The following POLR3E variants were observed in gnomAD, a reference collection of about 807,000 sequenced individuals.
The protein encoded by POLR3E is DNA-directed RNA polymerase III subunit RPC5.
Under a neutral mutation model 96.6 loss-of-function variants are expected in POLR3E, and 41 were observed. That is an observed-to-expected ratio of 0.42 (90% CI 0.33 to 0.55). POLR3E has a LOEUF of 0.55. Among genes scored for constraint, POLR3E ranks in the 20% least tolerant of loss-of-function variants. POLR3E has a pLI of 0.06. For synonymous variants in POLR3E, 396 were observed against 383.6 expected, an observed-to-expected ratio of 1.03 and a Z score of -0.38; for missense variants, 849 against 952.1, an observed-to-expected ratio of 0.89 and a Z score of 1.43.
intron 6 of POLR3E, chr16:22,310,208 T>G (rs1456714797): frequency 1.3e-5 from 2 of 152,714 alleles, no homozygotes; most frequent in Non-Finnish European, 1.5e-5. Flanking sequence ...TTGGCTTACC[T>G]AGTGATGTCT....
intron 13 of POLR3E, among the ~76,000 whole-genome samples, chr16:22,320,627 T>C (rs56072419): frequency 9.7e-4 from 148 of 152,320 alleles, no homozygotes; most frequent in African/African-American, 3.2e-3. Flanking sequence ...TCAATCAATA[T>C]TCTTTACTCG....
intron 3 of POLR3E, among the ~76,000 whole-genome samples, chr16:22,307,184 A>G (rs921350974): frequency 1.3e-5 from 2 of 152,126 alleles, no homozygotes; most frequent in African/African-American, 4.8e-5. Context: ...CTGAGTCCAC[A>G]GTTAGCAAGG....
rs2048568267 is a variant in POLR3E, at chr16:22,325,747, C to T, written c.1349-14C>T. 1.3e-6 allele frequency: 2 copies of T among 1,543,880 alleles called. No homozygotes were observed. Among genetic ancestry groups the T allele is most frequent in the Admixed American group, 2.0e-5 (1 of 50,194 alleles). ...CCTGTGCCCTCCTGAGCAGTGCTGC[C>T]TCCCTCCCCGCAGGGCCTGCCGGGC... On this transcript the variant is annotated splice_polypyrimidine_tract_variant and intron_variant, in intron 17 of 20. Transcript: ENST00000299853.
At chr16:22,317,286 C>A in intron 12 of POLR3E, 80 bp downstream of exon 12, 1 of 1,047,186 alleles carries the variant, frequency 9.5e-7, no homozygotes, top group Non-Finnish European at 1.5e-6. Context: ...ACAGTGAGGA[C>A]CAGGGGACAA....
intron 1 of POLR3E, among the ~76,000 whole-genome samples, chr16:22,298,638 G>C (rs950946517): frequency 2.0e-5 from 3 of 152,258 alleles, no homozygotes; most frequent in Non-Finnish European, 2.9e-5. Flanking sequence ...AGAAAACCGT[G>C]CAGTATAGTG....
intron 19 of POLR3E, chr16:22,329,049 G>A: frequency 5.5e-6 from 1 of 182,920 alleles, no homozygotes; most frequent in Non-Finnish European, 1.1e-5. Flanking sequence ...TTGCACCACT[G>A]CACTCCAGAC....
chr16:22,323,757 C>T (rs1041855525), intron 14 of POLR3E, among the ~76,000 whole-genome samples: 11 of 152,150 alleles, frequency 7.2e-5, no homozygotes, highest in South Asian at 4.1e-4. Flanking sequence ...CTGCCCGCCC[C>T]GCTCCAGTGT....
chr16:22,331,977 G>A, intron 19 of POLR3E, 83 bp from the exon 20 acceptor site: 5 of 1,412,592 alleles, frequency 3.5e-6, no homozygotes, highest in Non-Finnish European at 4.9e-6. Flanking sequence ...ACAAAGTCAG[G>A]TGCATGGCTT....
At position 22,325,836 on chromosome 16, in the gene POLR3E, T is replaced by C. The variant is rs749940428; in HGVS notation, c.1424T>C (p.Leu475Pro). Residue 475 changes from leucine to proline, a missense_variant, in exon 18 of 21, where the codon CTG (leucine) becomes CCG (proline). Physicochemically the swap from Leu to Pro is moderately conservative, Grantham distance 98 (BLOSUM62 -3). Coordinates refer to ENST00000299853, the MANE Select transcript of POLR3E (RefSeq NM_018119.4). Reference protein sequence around the residue: ...KTKAQQNHALLERELQRRKEQ... With the variant: ...KTKAQQNHALPERELQRRKEQ... ...AAGGCCCAGCAGAACCACGCGTTGC[T>C]GGAGCGGGAGCTGCAGCGGCGGAAG... 15 of 1,612,080 alleles carry C rather than the reference T, an allele frequency of 9.3e-6. No individual in the cohort carries two copies. The highest frequency in any genetic ancestry group is 1.3e-5 in the Non-Finnish European group (15 of 1,179,386).
In POLR3E at chr16:22,305,255, G is replaced by C. The variant is rs542232789; in HGVS notation, c.87+49G>C. 2.9e-6 allele frequency: 4 copies of C among 1,377,692 alleles called. No individual in the cohort carries two copies. In the South Asian group the frequency reaches 4.6e-5, roughly 16 times the overall value. 85.3% of individuals were successfully genotyped at this position (1,377,692 alleles called of 1,614,324 possible). A position where few individuals can be genotyped will look rare whatever the true frequency, so the allele number is the denominator to read the frequency against. On this transcript the variant is annotated intron_variant, in intron 3 of 20. Transcript: ENST00000299853. ...AGAGGGGAGAAGCAGGTGTGGGTGG[G>C]TGGTGTGGACTCAGGAACACGGGCA...
chr16:22,298,212 GAA>G, intron 1 of POLR3E, among the ~76,000 whole-genome samples: 1 of 152,170 alleles, frequency 6.6e-6, no homozygotes, highest in East Asian at 1.9e-4. Context: ...GAGGCGGAAA[GAA>G]GAGATCTTAG....
In POLR3E at chr16:22,313,175, G is replaced by A. The variant is rs2048284868; in HGVS notation, c.365-445G>A. On this transcript the variant is annotated intron_variant, in intron 6 of 20. Coordinates refer to ENST00000299853, the MANE Select transcript of POLR3E (RefSeq NM_018119.4). The surrounding 1 kb of genome is among the most constrained non-coding windows in gnomAD (Gnocchi z 4.1). ...TAGTGGACTTCCTAGTGGAACGGGT[G>A]GGATTTTGGCGGGAAAAGATGGAGG... Among the ~76,000 whole-genome samples the A allele has an allele frequency of 6.6e-6, 1 of 152,144 alleles. No individual in the cohort carries two copies. The highest frequency in any genetic ancestry group is 2.1e-4 in the South Asian group (1 of 4,830).
At chr16:22,314,303 T>G (rs970750958) in intron 8 of POLR3E, among the ~76,000 whole-genome samples, 175 bp downstream of exon 8, 1 of 152,082 alleles carries the variant, frequency 6.6e-6, no homozygotes, top group African/African-American at 2.4e-5. Context: ...ATACACAAGA[T>G]GGAAGCCCTG....
rs769608122 is a variant in POLR3E at position 22,314,141 on chromosome 16, C to T, written c.522+13C>T. 1.6e-5 allele frequency: 26 copies of T among 1,612,250 alleles called. No homozygotes were observed. The highest frequency in any genetic ancestry group is 2.2e-5 in the Non-Finnish European group (26 of 1,178,628). Reference sequence around the variant, plus strand: ...TAAGCAGATCACGGTGAGCCCTGGCCCCTGGAGGAGGAGGGTGCTGCCTGG... The same window carrying T: ...TAAGCAGATCACGGTGAGCCCTGGCTCCTGGAGGAGGAGGGTGCTGCCTGG... On this transcript the variant is annotated intron_variant, in intron 8 of 20. Coordinates refer to ENST00000299853, the MANE Select transcript of POLR3E (RefSeq NM_018119.4).
intron 18 of POLR3E, 38 bp downstream of exon 18, chr16:22,326,316 G>A (rs918455395): frequency 8.5e-6 from 4 of 468,190 alleles, no homozygotes; most frequent in South Asian, 1.6e-5. Flanking sequence ...ATGGGGGGTG[G>A]GGGGTGGGGA....
rs1330314673 is a variant in POLR3E at position 22,312,341 on chromosome 16, G to GA, written c.365-1273dup. ...AAAATCTCATCTCTTCCAAAAAGTA[G>GA]AAAAAATTAGCCAGGCGTGGTGGTG... is the stretch of plus-strand genomic sequence containing the variant. On this transcript the variant is annotated intron_variant, in intron 6 of 20. Coordinates refer to ENST00000299853, the MANE Select transcript of POLR3E (RefSeq NM_018119.4). 7.9e-5 allele frequency among the ~76,000 whole-genome samples: 12 copies of GA among 151,898 alleles called. No homozygotes were observed. In the East Asian group the frequency reaches 2.1e-3, roughly 27 times the overall value.
intron 17 of POLR3E, 144 bp from the exon 18 acceptor site, chr16:22,325,617 T>C (rs2048565125): frequency 3.1e-6 from 3 of 974,918 alleles, no homozygotes; most frequent in Non-Finnish European, 4.4e-6. Flanking sequence ...GGTTCTCTCT[T>C]CCACTGATGG....
At position 22,334,577 on chromosome 16, in the gene POLR3E, A is replaced by C. The variant is rs963653061; in HGVS notation, c.*877A>C. The C allele has an allele frequency of 4.7e-4, 71 of 152,222 alleles. No individual in the cohort carries two copies. The highest frequency in any genetic ancestry group is 1.7e-3 in the African/African-American group (70 of 41,462). The allele number at this position is 152,222 out of a possible 1,614,324, so 9.4% of individuals were successfully genotyped here. A position where few individuals can be genotyped will look rare whatever the true frequency, so the allele number is the denominator to read the frequency against. On this transcript the variant is annotated 3_prime_UTR_variant, in exon 21 of 21. Transcript: ENST00000299853. ...CACTAGAAAGAGGCGAGTCACGTAC[A>C]TAATTTTGAAAGTTTCTAGCAACCA...
intron 12 of POLR3E, among the ~76,000 whole-genome samples, chr16:22,317,665 G>GT (rs757872526): frequency 1.7e-3 from 235 of 140,654 alleles, no homozygotes; most frequent in South Asian, 3.3e-3. Flanking sequence ...TGTTGTTGTT[G>GT]TTTTTTTTTT....
Sources: allele counts gnomAD v4.1 joint callset (sites outside exome capture counted in the v4.1 genomes callset), GRCh38; gene constraint gnomAD v4.1.1; non-coding constraint Gnocchi (gnomAD v3.1); transcripts MANE v1.5; gene names NCBI Gene and HGNC (gene_info 2026-07-23, HGNC 2026-07-21).